The following MCCC1 variants were observed in gnomAD, a reference collection of about 807,000 sequenced individuals.
MCCC1 encodes the protein methylcrotonoyl-CoA carboxylase subunit alpha, mitochondrial.
Under a neutral mutation model 83.8 loss-of-function variants are expected in MCCC1, and 64 were observed. That is an observed-to-expected ratio of 0.76 (90% CI 0.62 to 0.94). MCCC1 has a LOEUF of 0.94. Among genes scored for constraint, MCCC1 ranks in the 40% least tolerant of loss-of-function variants. The pLI, the probability that MCCC1 is intolerant of heterozygous loss-of-function variation, is 0.00. For synonymous variants in MCCC1, 322 were observed against 315.4 expected, an observed-to-expected ratio of 1.02 and a Z score of -0.22; for missense variants, 807 against 904.7, an observed-to-expected ratio of 0.89 and a Z score of 1.39.
At chr3:183,106,678 G>C (rs1719412279) in intron 1 of MCCC1, among the ~76,000 whole-genome samples, 1 of 151,974 alleles carries the variant, frequency 6.6e-6, no homozygotes, top group African/African-American at 2.4e-5. Context: ...TGTATTTTTA[G>C]TAGAGACGGA....
chr3:183,020,607 G>T (rs983068452), intron 16 of MCCC1, among the ~76,000 whole-genome samples: 3 of 151,926 alleles, frequency 2.0e-5, no homozygotes, highest in Non-Finnish European at 4.4e-5. Flanking sequence ...CTCCAGCCTG[G>T]GTGACAGAGT....
At chr3:183,026,953 G>A (rs1466851573) in intron 14 of MCCC1, among the ~76,000 whole-genome samples, 1 of 152,170 alleles carries the variant, frequency 6.6e-6, no homozygotes, top group African/African-American at 2.4e-5. Context: ...TGCACATTCT[G>A]CAGATACTAT....
At chr3:183,048,381 C>T (rs9861225) in intron 9 of MCCC1, among the ~76,000 whole-genome samples, 136,867 of 152,234 alleles carry the variant, frequency 0.9, 61,837 homozygotes, top group East Asian at 1. Context: ...ATATATGTTA[C>T]CTACAAGAAA....
At chr3:183,047,282 G>A (rs551502943) in intron 9 of MCCC1, among the ~76,000 whole-genome samples, 2 of 152,196 alleles carry the variant, frequency 1.3e-5, no homozygotes, top group East Asian at 3.9e-4. Context: ...AACATACCAG[G>A]AAGCACTGGT....
At chr3:183,103,678 G>A (rs1719356216), upstream of MCCC1, among the ~76,000 whole-genome samples, 1 of 152,238 alleles carries the variant, frequency 6.6e-6, no homozygotes, top group Non-Finnish European at 1.5e-5. Flanking sequence ...AGTCCAGGTG[G>A]CTTCACCCAG....
At chr3:183,080,439 C>T (rs965007357) in intron 4 of MCCC1, among the ~76,000 whole-genome samples, 2 of 152,188 alleles carry the variant, frequency 1.3e-5, no homozygotes, top group Non-Finnish European at 2.9e-5. Flanking sequence ...GTCACCTTTG[C>T]TCCAGTTCCC....
chr3:183,041,697 G>A lies in MCCC1; in HGVS notation c.1137C>T (p.Gly379=). The A allele has an allele frequency of 6.2e-7, 1 of 1,614,204 alleles. No individual in the cohort carries two copies. Among genetic ancestry groups the A allele is most frequent in the Non-Finnish European group, 8.5e-7 (1 of 1,180,040 alleles). The change falls in exon 11 of 19, where the codon GGC becomes GGT. Residue 379 remains glycine (G), a synonymous_variant. Transcript: ENST00000265594. ...CATATATTCTAGCTTCGAAGGCATG[G>A]CCCTGCAGAGTTATTTCTTCCTGGC... ...PLSQEEITLQ[G]HAFEARIYAE... is the part of the protein sequence containing the mutation.
intron 8 of MCCC1, among the ~76,000 whole-genome samples, chr3:183,056,666 C>T (rs1463434634): frequency 6.6e-6 from 1 of 152,104 alleles, no homozygotes; most frequent in Non-Finnish European, 1.5e-5. Flanking sequence ...CATTCCATTC[C>T]AGTAATTAAT....
chr3:183,047,971 A>G (rs984149344), intron 9 of MCCC1, among the ~76,000 whole-genome samples: 1 of 152,260 alleles, frequency 6.6e-6, no homozygotes, highest in African/African-American at 2.4e-5. Context: ...AGTGGTAAGT[A>G]TTTGTGTATC....
upstream of MCCC1, among the ~76,000 whole-genome samples, chr3:183,104,010 C>T (rs953127441): frequency 1.3e-5 from 2 of 152,168 alleles, no homozygotes; most frequent in African/African-American, 2.4e-5. Context: ...CTCATTGCCC[C>T]GGGCCGGCAG....
At chr3:183,062,574 C>G (rs564967049) in intron 7 of MCCC1, among the ~76,000 whole-genome samples, 11 of 152,160 alleles carry the variant, frequency 7.2e-5, no homozygotes, top group African/African-American at 2.6e-4. Context: ...AGGCTGGTCT[C>G]GAACTCCTGA....
At chr3:183,073,386 C>T (rs1716838842) in intron 4 of MCCC1, among the ~76,000 whole-genome samples, 1 of 152,144 alleles carries the variant, frequency 6.6e-6, no homozygotes, top group Non-Finnish European at 1.5e-5. Flanking sequence ...AGAACACTAG[C>T]TCAATAAATA....
At chr3:183,086,911 G>GC (rs1717935632) in intron 3 of MCCC1, 123 bp from the exon 4 acceptor site, 2 of 851,052 alleles carry the variant, frequency 2.4e-6, no homozygotes, top group Non-Finnish European at 3.8e-6. Flanking sequence ...CAAGAACAGT[G>GC]CAAGAATTGA....
chr3:183,015,704 G>A (rs902273495), intron 18 of MCCC1, 138 bp from the exon 19 acceptor site: 30 of 1,025,664 alleles, frequency 2.9e-5, no homozygotes, highest in African/African-American at 2.1e-4. Context: ...GCTTTCCAAC[G>A]CTTTGTTGTT....
chr3:183,017,907 C>T (rs1711811830), intron 17 of MCCC1: 1 of 149,276 alleles, frequency 6.7e-6, no homozygotes, highest in Admixed American at 6.5e-5. Flanking sequence ...CAGAGGCCTA[C>T]AGCCCAAATG....
At chr3:183,025,608 G>A (rs1712530237) in intron 15 of MCCC1, 147 bp downstream of exon 15, 1 of 730,376 alleles carries the variant, frequency 1.4e-6, no homozygotes, top group Non-Finnish European at 2.4e-6. Context: ...TCCCCAAATT[G>A]GGTCTGAAAT....
At chr3:183,112,898 C>T (rs1034888079) in intron 1 of MCCC1, among the ~76,000 whole-genome samples, 1 of 151,336 alleles carries the variant, frequency 6.6e-6, no homozygotes, top group Non-Finnish European at 1.5e-5. Context: ...TGTAGTGAGA[C>T]CCCCATCTTA....
intron 13 of MCCC1, among the ~76,000 whole-genome samples, chr3:183,034,376 G>A (rs556660395): frequency 6.1e-4 from 93 of 151,480 alleles, no homozygotes; most frequent in African/African-American, 2.2e-3. Context: ...GCGTGAATCC[G>A]GGAGGTGGAG....
At chr3:183,094,725 A>C in intron 1 of MCCC1, 120 bp from the exon 2 acceptor site, 2 of 947,976 alleles carry the variant, frequency 2.1e-6, no homozygotes, top group Non-Finnish European at 3.4e-6. Context: ...TGCTTTAGTA[A>C]GACTTTCTTA....
Sources: allele counts gnomAD v4.1 joint callset (sites outside exome capture counted in the v4.1 genomes callset), GRCh38; gene constraint gnomAD v4.1.1; transcripts MANE v1.5; gene names NCBI Gene and HGNC (gene_info 2026-07-23, HGNC 2026-07-21).